The following RASEF variants were observed in gnomAD, a reference collection of about 807,000 sequenced individuals.
RASEF encodes RAS and EF-hand domain containing.
RASEF carries 68 observed loss-of-function variants against 90.1 expected under a neutral mutation model. The ratio of observed to expected loss-of-function variants is 0.75; its 90% CI spans 0.62 to 0.92. The LOEUF (loss-of-function observed/expected upper bound fraction) is 0.92. RASEF is among the 40% of genes least tolerant of loss of function. The pLI is 0.00. For missense variants in RASEF, 949 were observed against 937.2 expected, an observed-to-expected ratio of 1.01 and a Z score of -0.16; for synonymous variants, 331 against 345.2, an observed-to-expected ratio of 0.96 and a Z score of 0.46.
At chr9:82,996,869 G>T (rs1828930271) in intron 14 of RASEF, 143 bp downstream of exon 14, 2 of 604,012 alleles carry the variant, frequency 3.3e-6, no homozygotes, top group Admixed American at 2.6e-5. Context: ...TGCCAGTTCT[G>T]CCTGTAGCAT....
chr9:83,079,822 T>C, the RASEF span, among the ~76,000 whole-genome samples: 1 of 149,156 alleles, frequency 6.7e-6, no homozygotes, highest in Non-Finnish European at 1.5e-5. Context: ...AGAAAGTGTA[T>C]AGGTAGAAAT....
chr9:83,028,508 C>T (rs935105233), intron 1 of RASEF, among the ~76,000 whole-genome samples: 1 of 152,168 alleles, frequency 6.6e-6, no homozygotes, highest in African/African-American at 2.4e-5. Flanking sequence ...ATTCCTTGGG[C>T]TTTTGCCCTA....
chr9:83,001,805 C>G (rs1587485351), intron 9 of RASEF, among the ~76,000 whole-genome samples: 3 of 152,032 alleles, frequency 2.0e-5, no homozygotes, highest in Non-Finnish European at 2.9e-5. Context: ...TAAAAATAAG[C>G]AATTAGAAAC....
the RASEF span, among the ~76,000 whole-genome samples, chr9:83,097,845 A>G: frequency 2.3e-4 from 35 of 152,296 alleles, no homozygotes; most frequent in Non-Finnish European, 3.2e-4. Flanking sequence ...CATCATTGTC[A>G]TCGTCGTCAT....
Position 83,012,440 on chromosome 9 carries a change from T to C in RASEF, c.837A>G (p.Leu279=), listed in dbSNP as rs1829263516. ...GTGAAAAGGTAATTCTTACCATTGATAAATCATAAATTTGTTTTTTCAATG... is the reference window on the plus strand; with the variant it reads ...GTGAAAAGGTAATTCTTACCATTGACAAATCATAAATTTGTTTTTTCAATG... The part of the protein sequence containing the change: ...VAALKKQIYD[L]SMENQKVKKD... The change falls in exon 5 of 17, where the codon TTA becomes TTG. Residue 279 remains leucine (L), a synonymous_variant. Transcript: ENST00000376447. 2 of 1,548,510 alleles carry C rather than the reference T, an allele frequency of 1.3e-6. No individual in the cohort carries two copies. The highest frequency in any genetic ancestry group is 1.2e-5 in the South Asian group (1 of 85,498).
At chr9:83,008,891 CATATATATATATATATATATATATATAT>C (rs56810511) in intron 6 of RASEF, among the ~76,000 whole-genome samples, 1 of 19,564 alleles carries the variant, frequency 5.1e-5, no homozygotes, top group African/African-American at 1.6e-4. Context: ...AAGTTCTCAT[CATATATATATATATATATATATATATAT>C]ATATATATAT....
chr9:82,982,700 T>C lies in RASEF; in HGVS notation c.2200A>G (p.Met734Val). 2 of 1,598,924 alleles carry C rather than the reference T, an allele frequency of 1.3e-6. No homozygotes were observed. Among genetic ancestry groups the C allele is most frequent in the South Asian group, 1.1e-5 (1 of 90,788 alleles). ...TGTNSKKSPQMKNCCNG is the reference protein window; with the variant it reads ...TGTNSKKSPQVKNCCNG The stretch of plus-strand genomic sequence containing the variant: ...ATTTAGCCATTGCAACAATTCTTCA[T>C]CTGTGGTGACTTTTTGGAATTGGTC... Residue 734 changes from methionine (M) to valine (V), a missense_variant, in exon 17 of 17, where the codon ATG becomes GTG. Coordinates refer to ENST00000376447, the MANE Select transcript of RASEF (RefSeq NM_152573.4).
At chr9:83,212,959 C>A in the RASEF span, among the ~76,000 whole-genome samples, 1 of 152,138 alleles carries the variant, frequency 6.6e-6, no homozygotes, top group Non-Finnish European at 1.5e-5. Flanking sequence ...AATGATACAT[C>A]AGTTACAAAC....
At chr9:83,103,173 G>C in the RASEF span, among the ~76,000 whole-genome samples, 1 of 152,174 alleles carries the variant, frequency 6.6e-6, no homozygotes, top group African/African-American at 2.4e-5. Flanking sequence ...GTAAAGCTGA[G>C]TGAAGTGTTT....
chr9:83,132,438 A>G, the RASEF span, among the ~76,000 whole-genome samples: 1 of 152,184 alleles, frequency 6.6e-6, no homozygotes. Flanking sequence ...AAACATCCTA[A>G]GCCAGAAGAA....
intron 1 of RASEF, among the ~76,000 whole-genome samples, chr9:83,059,363 A>G (rs769480631): frequency 4.8e-5 from 5 of 103,552 alleles, no homozygotes; most frequent in Middle Eastern, 5.3e-3. Context: ...ACAGTAACTG[A>G]AAAAAAAAAA....
chr9:82,990,727 C>T (rs1278564395), intron 15 of RASEF, among the ~76,000 whole-genome samples: 1 of 152,090 alleles, frequency 6.6e-6, no homozygotes, highest in Non-Finnish European at 1.5e-5. Context: ...GTTTTTATTT[C>T]CAACAGTCAA....
At chr9:83,006,823 G>A (rs1829142064) in intron 7 of RASEF, among the ~76,000 whole-genome samples, 1 of 152,186 alleles carries the variant, frequency 6.6e-6, no homozygotes, top group South Asian at 2.1e-4. Flanking sequence ...GCCGGGCGTG[G>A]TGGCTCATGC....
chr9:83,094,749 C>T, the RASEF span, among the ~76,000 whole-genome samples: 1 of 152,180 alleles, frequency 6.6e-6, no homozygotes, highest in African/African-American at 2.4e-5. Context: ...GTGTACAACT[C>T]CTGCTCTTGG....
the RASEF span, among the ~76,000 whole-genome samples, chr9:83,146,416 T>C: frequency 6.6e-6 from 1 of 152,192 alleles, no homozygotes; most frequent in South Asian, 2.1e-4. Context: ...TACACACATA[T>C]GTCCCTTTGA....
the RASEF span, among the ~76,000 whole-genome samples, chr9:83,091,907 G>A: frequency 6.6e-6 from 1 of 150,990 alleles, no homozygotes; most frequent in Non-Finnish European, 1.5e-5. Flanking sequence ...TGGGGAGGGA[G>A]ATGGGACTAG....
At chr9:83,214,342 G>C in the RASEF span, among the ~76,000 whole-genome samples, 1 of 152,158 alleles carries the variant, frequency 6.6e-6, no homozygotes, top group Non-Finnish European at 1.5e-5. Flanking sequence ...TCAAGATCAT[G>C]CCACTGCATT....
chr9:82,994,187 G>C (rs117410161), intron 14 of RASEF, among the ~76,000 whole-genome samples: 104 of 152,270 alleles, frequency 6.8e-4, no homozygotes, highest in Non-Finnish European at 1.1e-3. Context: ...AAAATCAAAG[G>C]AAAGGGAATG....
At chr9:83,091,855 G>A in the RASEF span, among the ~76,000 whole-genome samples, 1 of 152,034 alleles carries the variant, frequency 6.6e-6, no homozygotes, top group Non-Finnish European at 1.5e-5. Flanking sequence ...GCTTCCATCA[G>A]TACCAAAATT....
Sources: allele counts gnomAD v4.1 joint callset (sites outside exome capture counted in the v4.1 genomes callset), GRCh38; gene constraint gnomAD v4.1.1; transcripts MANE v1.5; gene names NCBI Gene and HGNC (gene_info 2026-07-23, HGNC 2026-07-21).